The following POC1B variants were observed in gnomAD, a reference collection of about 807,000 sequenced individuals.
POC1B encodes POC1 centriolar protein B.
Under a neutral mutation model 60.6 loss-of-function variants are expected in POC1B, and 44 were observed. The ratio of observed to expected loss-of-function variants is 0.73; its 90% CI spans 0.57 to 0.93. POC1B has a LOEUF of 0.93. POC1B is among the 40% of genes least tolerant of loss of function. The probability of loss-of-function intolerance (pLI) is 0.00; values close to 1 mark genes in which losing one functional copy is unlikely to be tolerated. For synonymous variants in POC1B, 180 were observed against 198.9 expected (o/e 0.90, Z 0.80); for missense variants, 555 against 572.3 (o/e 0.97, Z 0.31).
rs368724781 is a variant in POC1B, at chr12:89,522,870, T to C, written c.100+2250A>G. Reference sequence around the variant, plus strand: ...CTAGAGCATCACAAGTTCTCATTTGTACATCAGGTCGGCCCTCCGGTGTCC... The same window carrying C: ...CTAGAGCATCACAAGTTCTCATTTGCACATCAGGTCGGCCCTCCGGTGTCC... On this transcript the variant is annotated intron_variant, in intron 2 of 11. Transcript: ENST00000313546. The C allele has an allele frequency of 9.9e-6, 16 of 1,609,488 alleles. No individual in the cohort carries two copies. In the African/African-American group the frequency reaches 1.2e-4, roughly 12 times the overall value.
At chr12:89,487,967 C>T (rs912167442) in intron 4 of POC1B, among the ~76,000 whole-genome samples, 1 of 152,102 alleles carries the variant, frequency 6.6e-6, no homozygotes, top group Admixed American at 6.5e-5. Flanking sequence ...ACTGAAGTAA[C>T]TGTCGGCTCC....
At chr12:89,426,838 A>AG (rs1360767337) in intron 10 of POC1B, 5 of 152,108 alleles carry the variant, frequency 3.3e-5, no homozygotes, top group African/African-American at 1.2e-4. Flanking sequence ...AAAAAAAAAA[A>AG]GAAATGTAAG....
At chr12:89,470,782 C>T (rs891966645) in intron 6 of POC1B, among the ~76,000 whole-genome samples, 3 of 152,192 alleles carry the variant, frequency 2.0e-5, no homozygotes, top group African/African-American at 7.2e-5. Flanking sequence ...AGTTAATCAT[C>T]ACCAGCTCAG....
chr12:89,479,581 G>A (rs1883243318), intron 4 of POC1B, among the ~76,000 whole-genome samples: 1 of 150,814 alleles, frequency 6.6e-6, no homozygotes, highest in African/African-American at 2.4e-5. Context: ...TGTTAAATTA[G>A]ATTATAACAA....
intron 2 of POC1B, among the ~76,000 whole-genome samples, chr12:89,518,657 T>C (rs1321767315): frequency 6.6e-5 from 10 of 152,266 alleles, no homozygotes; most frequent in Admixed American, 4.6e-4. Context: ...AATTCATCTC[T>C]GTTAGCGTTC....
At chr12:89,433,954 TCA>T (rs1881147109) in intron 10 of POC1B, among the ~76,000 whole-genome samples, 1 of 152,254 alleles carries the variant, frequency 6.6e-6, no homozygotes, top group Non-Finnish European at 1.5e-5. Flanking sequence ...GAATTCATTT[TCA>T]ATTCTTAACA....
chr12:89,492,044 T>C lies in POC1B; in HGVS notation c.344A>G (p.Gln115Arg), dbSNP rs571118434. The change falls in exon 4 of 12, where the codon CAG becomes CGG. Residue 115 changes from glutamine (Q) to arginine (R), a missense_variant. Physicochemically the swap from Gln to Arg is conservative, Grantham distance 43 (BLOSUM62 1). Coordinates refer to ENST00000313546, the MANE Select transcript of POC1B (RefSeq NM_172240.3). ...GTCTTCAGAAGCTGTAGCTAGAAAC[T>C]GGCCATCAGCTGAAAAGTCTACACT... ...VRSVDFSADG[Q>R]FLATASEDKS... is the part of the protein sequence containing the mutation. 33 of 1,609,594 alleles carry C rather than the reference T, an allele frequency of 2.1e-5. No homozygotes were observed. The highest frequency in any genetic ancestry group is 1.7e-4 in the Middle Eastern group (1 of 6,058).
intron 2 of POC1B, chr12:89,523,641 G>A (rs1262865910): frequency 4.3e-5 from 66 of 1,540,616 alleles, no homozygotes; most frequent in Non-Finnish European, 5.6e-5. Context: ...GTGATCTGAT[G>A]GGGTCAATTC....
intron 10 of POC1B, among the ~76,000 whole-genome samples, chr12:89,450,576 G>A (rs1881999894): frequency 6.6e-6 from 1 of 152,092 alleles, no homozygotes; most frequent in Admixed American, 6.6e-5. Context: ...AATGGGCAAA[G>A]TACACAAATA....
At chr12:89,515,383 C>A (rs560191062) in intron 2 of POC1B, among the ~76,000 whole-genome samples, 3 of 152,248 alleles carry the variant, frequency 2.0e-5, no homozygotes, top group African/African-American at 7.2e-5. Context: ...ATCCCTCCTG[C>A]CTCAGCCCCT....
the POC1B span, among the ~76,000 whole-genome samples, chr12:89,406,527 G>A: frequency 6.6e-6 from 1 of 152,102 alleles, no homozygotes; most frequent in African/African-American, 2.4e-5. Context: ...CAAGAGGACT[G>A]GCTTGAGAAT....
In POC1B at chr12:89,425,223, T is replaced by A; in HGVS notation, c.1270A>T (p.Ile424Leu). Residue 424 changes from isoleucine (I) to leucine (L), a missense_variant, in exon 11 of 12, where the codon ATA becomes TTA. Physicochemically the swap from Ile to Leu is conservative, Grantham distance 5. Coordinates refer to ENST00000313546, the MANE Select transcript of POC1B (RefSeq NM_172240.3). Reference sequence around the variant, plus strand: ...AAAGCATCAGTCACAGCGAGAGGTATGCTCCTTTGACTTTCACAGGGGAGG... The same window carrying A: ...AAAGCATCAGTCACAGCGAGAGGTAAGCTCCTTTGACTTTCACAGGGGAGG... ...SDLPCESQRS[I>L]PLAVTDALEH... 6.2e-7 allele frequency: 1 copy of A among 1,614,206 alleles called. No homozygotes were observed. Among genetic ancestry groups the A allele is most frequent in the Non-Finnish European group, 8.5e-7 (1 of 1,180,020 alleles).
chr12:89,484,260 T>C (rs948397246), intron 4 of POC1B, among the ~76,000 whole-genome samples: 1 of 152,192 alleles, frequency 6.6e-6, no homozygotes, highest in African/African-American at 2.4e-5. Context: ...AACAGTAAGA[T>C]GGTAGACTTA....
chr12:89,524,163 G>A (rs1472880434), intron 2 of POC1B: 1 of 1,614,000 alleles, frequency 6.2e-7, no homozygotes, highest in Admixed American at 1.7e-5. Context: ...TCCTATAGTT[G>A]AACTTCTGGG....
chr12:89,454,240 G>T (rs1252743907), intron 10 of POC1B, among the ~76,000 whole-genome samples: 1 of 152,174 alleles, frequency 6.6e-6, no homozygotes, highest in African/African-American at 2.4e-5. Context: ...TGTCCCTGGG[G>T]AAGGGAGATA....
chr12:89,406,739 A>C, the POC1B span, among the ~76,000 whole-genome samples: 94,063 of 151,700 alleles, frequency 0.62, 29,478 homozygotes, highest in Admixed American at 0.68. Flanking sequence ...ACAAGCAGAA[A>C]AGGTAAAACT....
chr12:89,430,626 C>T (rs1170498703), intron 10 of POC1B, among the ~76,000 whole-genome samples: 2 of 152,130 alleles, frequency 1.3e-5, no homozygotes, highest in African/African-American at 4.8e-5. Flanking sequence ...TCTGGGCTGG[C>T]GAGTCAGAAT....
chr12:89,503,653 C>T (rs1200975736), intron 2 of POC1B, among the ~76,000 whole-genome samples: 1 of 151,572 alleles, frequency 6.6e-6, no homozygotes, highest in Non-Finnish European at 1.5e-5. Context: ...GCCCCGCCAC[C>T]CCATCTGGGA....
intron 9 of POC1B, among the ~76,000 whole-genome samples, chr12:89,463,062 A>T (rs921697667): frequency 6.6e-5 from 10 of 152,172 alleles, no homozygotes; most frequent in Non-Finnish European, 1.3e-4. Context: ...ACTTAAATTG[A>T]TCACTTGTAC....
Sources: allele counts gnomAD v4.1 joint callset (sites outside exome capture counted in the v4.1 genomes callset), GRCh38; gene constraint gnomAD v4.1.1; transcripts MANE v1.5; gene names NCBI Gene and HGNC (gene_info 2026-07-23, HGNC 2026-07-21).